Variants in STXBP6 observed in about 807,000 individuals in gnomAD.
STXBP6 encodes syntaxin-binding protein 6.
Under a neutral mutation model 26.9 loss-of-function variants are expected in STXBP6, and 21 were observed. That is an observed-to-expected ratio of 0.78 (90% CI 0.55 to 1.12). STXBP6 has a LOEUF of 1.12. STXBP6 is among the 50% of genes most tolerant of loss of function. The probability of loss-of-function intolerance (pLI) is 0.00; values close to 1 mark genes in which losing one functional copy is unlikely to be tolerated. For missense variants in STXBP6, 232 were observed against 257.9 expected, an observed-to-expected ratio of 0.90 and a Z score of 0.69; for synonymous variants, 97 against 92.6, an observed-to-expected ratio of 1.05 and a Z score of -0.27.
intron 2 of STXBP6, among the ~76,000 whole-genome samples, chr14:24,936,040 G>A (rs944922338): frequency 6.6e-6 from 1 of 152,158 alleles, no homozygotes; most frequent in Non-Finnish European, 1.5e-5. Context: ...ATAACTTTAG[G>A]TTGGCTAGAA....
At chr14:24,970,736 A>G (rs2073882914) in intron 2 of STXBP6, among the ~76,000 whole-genome samples, 1 of 152,316 alleles carries the variant, frequency 6.6e-6, no homozygotes, top group Admixed American at 6.5e-5. Context: ...TCTCTTGAGT[A>G]TATGCCTAGG....
At chr14:24,877,501 A>G (rs1028410148) in intron 2 of STXBP6, among the ~76,000 whole-genome samples, 2 of 152,066 alleles carry the variant, frequency 1.3e-5, no homozygotes, top group Non-Finnish European at 2.9e-5. Context: ...GTAGCATATT[A>G]TATACATATT....
chr14:24,985,685 C>A (rs1014261339), intron 1 of STXBP6, among the ~76,000 whole-genome samples: 1 of 152,166 alleles, frequency 6.6e-6, no homozygotes, highest in Non-Finnish European at 1.5e-5. Context: ...TTTTACTTTA[C>A]GGAGAAGGAT....
At chr14:24,939,506 A>G (rs867382343) in intron 2 of STXBP6, among the ~76,000 whole-genome samples, 24 of 150,534 alleles carry the variant, frequency 1.6e-4, no homozygotes, top group African/African-American at 5.9e-4. Flanking sequence ...CTAACCTGAG[A>G]GGTGAAAACT....
At chr14:24,993,572 T>C (rs1307536065) in intron 1 of STXBP6, among the ~76,000 whole-genome samples, 1 of 152,148 alleles carries the variant, frequency 6.6e-6, no homozygotes, top group Non-Finnish European at 1.5e-5. Flanking sequence ...TAGAGTTACT[T>C]TTCTGAAATG....
At chr14:24,892,981 T>C (rs569316917) in intron 2 of STXBP6, among the ~76,000 whole-genome samples, 1 of 152,148 alleles carries the variant, frequency 6.6e-6, no homozygotes. Context: ...CCAAGAGACA[T>C]TCAGCAGGAG....
intron 2 of STXBP6, among the ~76,000 whole-genome samples, chr14:24,931,134 A>ACAAAAAAAAAAAAAC (rs780776601): frequency 8.5e-5 from 10 of 117,976 alleles, no homozygotes; most frequent in African/African-American, 2.7e-4. Context: ...AAAAAAAAAA[A>ACAAAAAAAAAAAAAC]AAAAAAAACC....
chr14:24,953,183 G>A (rs1179792264), intron 2 of STXBP6, among the ~76,000 whole-genome samples: 5 of 152,060 alleles, frequency 3.3e-5, no homozygotes, highest in East Asian at 1.9e-4. Flanking sequence ...TATTCACATC[G>A]CTTTCTTCCC....
intron 2 of STXBP6, among the ~76,000 whole-genome samples, chr14:24,918,579 A>C (rs892691825): frequency 6.6e-6 from 1 of 151,834 alleles, no homozygotes; most frequent in South Asian, 2.1e-4. Flanking sequence ...TCAATTAATA[A>C]AATACTGTAG....
At chr14:24,854,815 T>A (rs1270170591) in intron 4 of STXBP6, among the ~76,000 whole-genome samples, 1 of 152,106 alleles carries the variant, frequency 6.6e-6, no homozygotes, top group Non-Finnish European at 1.5e-5. Context: ...CCTTTAAACA[T>A]CTATGTCTAA....
chr14:25,010,884 T>C (rs1279776455), intron 1 of STXBP6, among the ~76,000 whole-genome samples: 2 of 152,224 alleles, frequency 1.3e-5, no homozygotes, highest in African/African-American at 2.4e-5. Context: ...GCCCATCCTA[T>C]GAAAGAACCA....
intron 2 of STXBP6, among the ~76,000 whole-genome samples, chr14:24,970,402 A>G (rs1459898260): frequency 2.0e-5 from 3 of 152,188 alleles, no homozygotes; most frequent in African/African-American, 7.2e-5. Flanking sequence ...AAATTGCCTC[A>G]GGCCCCTTCT....
chr14:24,830,491 T>G (rs1043930885), intron 4 of STXBP6, among the ~76,000 whole-genome samples: 10 of 152,176 alleles, frequency 6.6e-5, no homozygotes, highest in African/African-American at 2.4e-4. Flanking sequence ...CCCAGGCTTC[T>G]GGTTTGAGCA....
intron 1 of STXBP6, among the ~76,000 whole-genome samples, chr14:25,000,663 T>A (rs1326027080): frequency 6.7e-6 from 1 of 149,702 alleles, no homozygotes; most frequent in Non-Finnish European, 1.5e-5. Flanking sequence ...AAACTGACCA[T>A]AAAGAAATTA....
intron 2 of STXBP6, among the ~76,000 whole-genome samples, chr14:24,888,157 C>T (rs1303127821): frequency 2.0e-5 from 3 of 152,190 alleles, no homozygotes; most frequent in Non-Finnish European, 2.9e-5. Flanking sequence ...TCTTAAACCT[C>T]ACTAAAGTGA....
In STXBP6 at chr14:24,956,124, C is replaced by T. The variant is rs575560555; in HGVS notation, c.154+18541G>A. On this transcript the variant is annotated intron_variant, in intron 2 of 5. Coordinates refer to ENST00000323944, the MANE Select transcript of STXBP6 (RefSeq NM_001394410.1). ...AATGGGAGACAGTTGGGTAATTGAA[C>T]ATGAAGAAAACAGTGGCTACTAGGT... Among the ~76,000 whole-genome samples the T allele has an allele frequency of 1.5e-3, 231 of 151,816 alleles. 2 individuals are homozygous for T. The highest frequency in any genetic ancestry group is 5.2e-3 in the African/African-American group (216 of 41,356).
At chr14:24,874,639 T>C (rs990380636) in intron 2 of STXBP6, among the ~76,000 whole-genome samples, 6 of 152,316 alleles carry the variant, frequency 3.9e-5, no homozygotes, top group African/African-American at 1.4e-4. Flanking sequence ...GTCATTTTAA[T>C]TCAAAGAGTA....
At chr14:24,939,491 T>C (rs557258939) in intron 2 of STXBP6, among the ~76,000 whole-genome samples, 15 of 152,298 alleles carry the variant, frequency 9.8e-5, no homozygotes, top group South Asian at 6.2e-4. Context: ...TACAGCTCTG[T>C]TGGGCTAACC....
Position 25,049,850 on chromosome 14 carries a change from C to A in STXBP6, c.-33+28G>T. ...TCCCGGGCTTGGCCTCCGCCCTGAC[C>A]GCCTGGCTCCCCTCGCCCCGGTCCT... is the stretch of plus-strand genomic sequence containing the variant. On this transcript the variant is annotated intron_variant, in intron 1 of 5. Transcript: ENST00000323944. The surrounding 1 kb of genome is among the most constrained non-coding windows in gnomAD (Gnocchi z 5.6). 1 of 985,556 alleles carries A rather than the reference C, an allele frequency of 1.0e-6. No homozygotes were observed. Among genetic ancestry groups the A allele is most frequent in the Non-Finnish European group, 1.2e-6 (1 of 830,110 alleles). 61.1% of individuals were successfully genotyped at this position (985,556 alleles called of 1,614,324 possible). A position where few individuals can be genotyped will look rare whatever the true frequency, so the allele number is the denominator to read the frequency against.
Sources: gnomAD v4.1 joint callset for allele counts (sites outside exome capture counted in the v4.1 genomes callset) on GRCh38, gnomAD v4.1.1 for gene constraint, Gnocchi (gnomAD v3.1) non-coding constraint, MANE v1.5 for transcripts, NCBI Gene and HGNC (gene_info 2026-07-23, HGNC 2026-07-21) for gene names.